JPH3: variants seen among roughly 807,000 people sequenced by gnomAD.
JPH3 encodes junctophilin-3.
JPH3 carries 11 observed loss-of-function variants against 59.6 expected under a neutral mutation model. The observed-to-expected ratio is 0.18, with a 90% confidence interval of 0.12 to 0.31. The LOEUF (loss-of-function observed/expected upper bound fraction) is 0.31. JPH3 is among the 10% of genes least tolerant of loss of function. The pLI is 1.00. For synonymous variants in JPH3, 673 were observed against 483.6 expected (o/e 1.39, Z -5.14); for missense variants, 1,202 against 1,105.7 (o/e 1.09, Z -1.24).
At chr16:87,675,353 T>C (rs1160580556) in intron 2 of JPH3, among the ~76,000 whole-genome samples, 1 of 152,140 alleles carries the variant, frequency 6.6e-6, no homozygotes, top group African/African-American at 2.4e-5. Flanking sequence ...GTGCTGCTCA[T>C]TGCTCCAGTG....
intron 1 of JPH3, among the ~76,000 whole-genome samples, chr16:87,616,876 G>A (rs1004552336): frequency 8.5e-5 from 13 of 152,194 alleles, no homozygotes; most frequent in Non-Finnish European, 1.9e-4. Context: ...TTTTGGGGCT[G>A]GCTTTCGTCA....
chr16:87,613,902 G>T (rs59407386), intron 1 of JPH3, among the ~76,000 whole-genome samples: 9,195 of 152,224 alleles, frequency 0.06, 916 homozygotes, highest in African/African-American at 0.21. Context: ...AGGCTCACAG[G>T]GTCACACTCG....
At position 87,696,576 on chromosome 16, in the gene JPH3, C is replaced by A; in HGVS notation, c.2167-4C>A. ...GCTCACCTCTTCCCCTCGCTCTCTT[C>A]CAGGGCTCAGCGCCTATCCTGGTGG... On this transcript the variant is annotated splice_polypyrimidine_tract_variant and splice_region_variant and intron_variant, in intron 4 of 4. Transcript: ENST00000284262. 6.2e-7 allele frequency: 1 copy of A among 1,612,852 alleles called. No homozygotes were observed. Among genetic ancestry groups the A allele is most frequent in the African/African-American group, 1.3e-5 (1 of 75,046 alleles).
chr16:87,601,937 C>G (rs2030210059), upstream of JPH3: 1 of 152,710 alleles, frequency 6.5e-6, no homozygotes, highest in Middle Eastern at 3.4e-3. Flanking sequence ...TGGGGTAAGC[C>G]CCCCTCCCCC....
At chr16:87,696,067 G>C (rs1329878274) in intron 4 of JPH3, 2 of 456,518 alleles carry the variant, frequency 4.4e-6, no homozygotes, top group Non-Finnish European at 8.8e-6. Context: ...TGGTGAGGGG[G>C]GGTTTTGTTG....
At chr16:87,679,929 G>A (rs528919245) in intron 2 of JPH3, among the ~76,000 whole-genome samples, 2 of 152,356 alleles carry the variant, frequency 1.3e-5, no homozygotes, top group African/African-American at 4.8e-5. Context: ...CCCGCCCTCT[G>A]CTCCAGCCTT....
chr16:87,669,369 A>G (rs950767058), intron 2 of JPH3, among the ~76,000 whole-genome samples: 1 of 152,086 alleles, frequency 6.6e-6, no homozygotes, highest in African/African-American at 2.4e-5. Flanking sequence ...AAGGAAGGAG[A>G]CTTGGCCATC....
intron 4 of JPH3, chr16:87,694,814 G>T: frequency 5.2e-6 from 1 of 191,954 alleles, no homozygotes; most frequent in Non-Finnish European, 1.1e-5. Context: ...GGCACTTGCT[G>T]TCCCCTCCTC....
intron 1 of JPH3, among the ~76,000 whole-genome samples, chr16:87,606,301 C>G (rs1236864561): frequency 6.6e-6 from 1 of 152,250 alleles, no homozygotes; most frequent in East Asian, 1.9e-4. Flanking sequence ...TGGGCGCTGA[C>G]TTGGGGAAAT....
chr16:87,690,285 A>G lies in JPH3; in HGVS notation c.1925A>G (p.Asp642Gly), dbSNP rs755013193. 1.4e-5 allele frequency: 22 copies of G among 1,599,656 alleles called. No homozygotes were observed. Among genetic ancestry groups the G allele is most frequent in the Non-Finnish European group, 1.9e-5 (22 of 1,173,562 alleles). The part of the protein sequence containing the change: ...KGGACRGLGD[D>G]HRPEDRGFGV... ...GGCGCCTGCCGGGGCTTGGGGGACG[A>G]CCACCGCCCCGAGGACCGGGGCTTC... is the stretch of plus-strand genomic sequence containing the variant. The change falls in exon 4 of 5, where the codon GAC (aspartate) becomes GGC (glycine). Residue 642 changes from aspartate to glycine, a missense_variant. Physicochemically the swap from Asp to Gly is moderately conservative, Grantham distance 94 (BLOSUM62 -1). Transcript: ENST00000284262.
chr16:87,689,690 A>G lies in JPH3; in HGVS notation c.1330A>G (p.Ile444Val), dbSNP rs769672482. The change falls in exon 4 of 5, where the codon ATC becomes GTC. Residue 444 changes from isoleucine to valine, a missense_variant. Coordinates refer to ENST00000284262, the MANE Select transcript of JPH3 (RefSeq NM_020655.4). ...GAAGCGTCAGACCTCCTGTGACGAC[A>G]TCGAGGTGCTGTCCACCGGGACACC... ...RPKRQTSCDD[I>V]EVLSTGTPLQ... is the part of the protein sequence containing the mutation. 1.2e-6 allele frequency: 2 copies of G among 1,612,320 alleles called. No individual in the cohort carries two copies. The highest frequency in any genetic ancestry group is 1.7e-6 in the Non-Finnish European group (2 of 1,179,788).
chr16:87,694,890 C>A lies in JPH3; in HGVS notation c.2167-1690C>A, dbSNP rs74039471. The A allele has an allele frequency of 3.5e-5, 8 of 226,706 alleles. No homozygotes were observed. The East Asian group carries it at 9.4e-4, about 27-fold the overall frequency. The allele number at this position is 226,706 out of a possible 1,614,324, so 14.0% of individuals were successfully genotyped here. On this transcript the variant is annotated intron_variant, in intron 4 of 4. Coordinates refer to ENST00000284262, the MANE Select transcript of JPH3 (RefSeq NM_020655.4). ...TCTCACGCAGCATGCACTGCTCCTGCGCTTTCTCTGTGGCAGCCGCGGTTG... is the reference window on the plus strand; with the variant it reads ...TCTCACGCAGCATGCACTGCTCCTGAGCTTTCTCTGTGGCAGCCGCGGTTG...
At chr16:87,659,995 A>C (rs537976583) in intron 2 of JPH3, among the ~76,000 whole-genome samples, 2 of 151,978 alleles carry the variant, frequency 1.3e-5, no homozygotes, top group Non-Finnish European at 2.9e-5. Context: ...TGTGAAGGGG[A>C]TTCCTTTCCT....
intron 1 of JPH3, among the ~76,000 whole-genome samples, chr16:87,635,696 C>T (rs960279985): frequency 6.6e-5 from 10 of 152,288 alleles, no homozygotes; most frequent in African/African-American, 1.7e-4. Flanking sequence ...TCATCTCATC[C>T]GCTCTCTGCG....
chr16:87,670,717 G>A (rs1196443233), intron 2 of JPH3, among the ~76,000 whole-genome samples: 2 of 152,240 alleles, frequency 1.3e-5, no homozygotes, highest in East Asian at 3.9e-4. Flanking sequence ...AACCACGGAA[G>A]TACATTGATG....
chr16:87,638,419 G>A (rs776879225), intron 1 of JPH3, among the ~76,000 whole-genome samples: 4 of 152,128 alleles, frequency 2.6e-5, no homozygotes, highest in African/African-American at 9.7e-5. Context: ...GTTCATGGCC[G>A]GAACGCCAGA....
At chr16:87,639,507 A>G (rs2031867712) in intron 1 of JPH3, among the ~76,000 whole-genome samples, 1 of 152,024 alleles carries the variant, frequency 6.6e-6, no homozygotes, top group Non-Finnish European at 1.5e-5. Flanking sequence ...AAGCACATTC[A>G]CGCTGTTCAA....
Position 87,696,849 on chromosome 16 carries a change from TTTAGCCAAAATTC to T in JPH3, c.*192_*204del, listed in dbSNP as rs1597309833. On this transcript the variant is annotated 3_prime_UTR_variant, in exon 5 of 5. Transcript: ENST00000284262. ...TTTTTCTGGGTAATGTTTTTTGGATTTTAGCCAAAATTCTTTGCTTGTATAACACTCTGCTGTG... is the reference window on the plus strand; with the variant it reads ...TTTTTCTGGGTAATGTTTTTTGGATTTTTGCTTGTATAACACTCTGCTGTG... 2 of 603,476 alleles carry T rather than the reference TTTAGCCAAAATTC, an allele frequency of 3.3e-6. No individual in the cohort carries two copies. Among genetic ancestry groups the T allele is most frequent in the East Asian group, 5.7e-5 (2 of 35,312 alleles). The allele number at this position is 603,476 out of a possible 1,614,324, so 37.4% of individuals were successfully genotyped here.
intron 2 of JPH3, among the ~76,000 whole-genome samples, chr16:87,647,144 G>T (rs1353374209): frequency 1.3e-5 from 2 of 152,126 alleles, no homozygotes; most frequent in African/African-American, 2.4e-5. Context: ...GGGCCCAGGG[G>T]CTCTGTGGAG....
Sources: gnomAD v4.1 joint callset for allele counts (sites outside exome capture counted in the v4.1 genomes callset) on GRCh38, gnomAD v4.1.1 for gene constraint, MANE v1.5 for transcripts, NCBI Gene and HGNC (gene_info 2026-07-23, HGNC 2026-07-21) for gene names.